The following BNC2 variants were observed in gnomAD, a reference collection of about 807,000 sequenced individuals.
The protein encoded by BNC2 is basonuclin zinc finger protein 2.
Under a neutral mutation model 76.3 loss-of-function variants are expected in BNC2, and 20 were observed. That is an observed-to-expected ratio of 0.26 (90% CI 0.18 to 0.38). The LOEUF is 0.38. Among genes scored for constraint, BNC2 ranks in the 10% least tolerant of loss-of-function variants. The probability of loss-of-function intolerance (pLI) is 1.00; values close to 1 mark genes in which losing one functional copy is unlikely to be tolerated. For missense variants in BNC2, 1,382 were observed against 1,399.8 expected, an observed-to-expected ratio of 0.99 and a Z score of 0.20; for synonymous variants, 582 against 514.8, an observed-to-expected ratio of 1.13 and a Z score of -1.77.
intron 6 of BNC2, chr9:16,421,211 G>A: frequency 8.2e-7 from 1 of 1,225,724 alleles, no homozygotes; most frequent in Non-Finnish European, 1.1e-6. Flanking sequence ...GGGTTTTAAG[G>A]GGCAGAGGGC....
intron 4 of BNC2, among the ~76,000 whole-genome samples, chr9:16,573,653 G>C (rs544634824): frequency 1.2e-4 from 18 of 152,282 alleles, no homozygotes; most frequent in South Asian, 4.1e-4. Flanking sequence ...GGCCCATGAG[G>C]TCAAAGTGGG....
intron 1 of BNC2, among the ~76,000 whole-genome samples, chr9:16,825,114 C>G (rs1818423564): frequency 6.6e-6 from 1 of 151,602 alleles, no homozygotes; most frequent in African/African-American, 2.4e-5. Flanking sequence ...TTACTTTATA[C>G]TAAAAATTCT....
intron 1 of BNC2, among the ~76,000 whole-genome samples, chr9:16,739,188 G>C (rs1436965027): frequency 6.6e-6 from 1 of 152,132 alleles, no homozygotes; most frequent in Non-Finnish European, 1.5e-5. Flanking sequence ...TATTATAAAA[G>C]TAAGGGCCCT....
At chr9:16,560,833 T>G (rs1214237206) in intron 4 of BNC2, among the ~76,000 whole-genome samples, 2 of 152,240 alleles carry the variant, frequency 1.3e-5, no homozygotes, top group Admixed American at 1.3e-4. Context: ...ATGGGAGACA[T>G]GACACCTATC....
At chr9:16,793,308 A>C (rs975762411) in intron 1 of BNC2, among the ~76,000 whole-genome samples, 1 of 152,202 alleles carries the variant, frequency 6.6e-6, no homozygotes, top group African/African-American at 2.4e-5. Context: ...ATCCAACTAT[A>C]AACAGCAGAA....
At chr9:16,661,988 T>G (rs1045305834) in intron 3 of BNC2, among the ~76,000 whole-genome samples, 1 of 152,208 alleles carries the variant, frequency 6.6e-6, no homozygotes, top group African/African-American at 2.4e-5. Flanking sequence ...ACAATTGTCT[T>G]TAAACCACTA....
At chr9:16,475,943 C>T (rs1480520030) in intron 5 of BNC2, 13 of 152,180 alleles carry the variant, frequency 8.5e-5, no homozygotes, top group Non-Finnish European at 1.5e-5. Flanking sequence ...CAAGCATACA[C>T]ATGCTCCTAA....
chr9:16,449,675 T>C (rs7046026), intron 5 of BNC2, among the ~76,000 whole-genome samples: 90,609 of 152,040 alleles, frequency 0.6, 29,409 homozygotes, highest in African/African-American at 0.86. Flanking sequence ...AAAAAGGCTT[T>C]GGCACAGAGC....
At chr9:16,740,657 C>G (rs1249171739) in intron 1 of BNC2, among the ~76,000 whole-genome samples, 1 of 152,058 alleles carries the variant, frequency 6.6e-6, no homozygotes, top group Non-Finnish European at 1.5e-5. Flanking sequence ...GTTAGAGGAG[C>G]TCAGACAGGT....
chr9:16,632,394 T>G (rs950919624), intron 3 of BNC2, among the ~76,000 whole-genome samples: 4 of 150,316 alleles, frequency 2.7e-5, no homozygotes, highest in Admixed American at 6.6e-5. Context: ...TTGTACATCT[T>G]CTGGAGTCTG....
intron 3 of BNC2, among the ~76,000 whole-genome samples, chr9:16,686,319 T>A (rs1411167453): frequency 6.6e-6 from 1 of 152,178 alleles, no homozygotes; most frequent in Non-Finnish European, 1.5e-5. Context: ...AGATCCCTTT[T>A]TAAAACTAAG....
chr9:16,759,116 C>A (rs539045747), intron 1 of BNC2, among the ~76,000 whole-genome samples: 2 of 152,082 alleles, frequency 1.3e-5, no homozygotes, highest in Admixed American at 6.6e-5. Flanking sequence ...CAAAAACCAA[C>A]GTACAGAAAT....
chr9:16,711,783 A>C (rs1823858952), intron 3 of BNC2, among the ~76,000 whole-genome samples: 1 of 152,246 alleles, frequency 6.6e-6, no homozygotes, highest in Non-Finnish European at 1.5e-5. Flanking sequence ...GAATACATGC[A>C]TGAAAGGAAG....
At chr9:16,849,225 T>TC (rs1184740741) in intron 1 of BNC2, among the ~76,000 whole-genome samples, 1 of 151,758 alleles carries the variant, frequency 6.6e-6, no homozygotes, top group Non-Finnish European at 1.5e-5. Flanking sequence ...GAACTCTCAT[T>TC]CCCCCCACCA....
At chr9:16,762,328 T>A (rs1440812235) in intron 1 of BNC2, among the ~76,000 whole-genome samples, 2 of 152,180 alleles carry the variant, frequency 1.3e-5, no homozygotes, top group Non-Finnish European at 2.9e-5. Flanking sequence ...CTTTGAACAC[T>A]ATCCAAAGAC....
chr9:16,720,255 C>T (rs775385124), intron 3 of BNC2, among the ~76,000 whole-genome samples: 8 of 152,130 alleles, frequency 5.3e-5, no homozygotes, highest in African/African-American at 1.2e-4. Context: ...ATTACTGCTA[C>T]GTTTCAGGTG....
intron 3 of BNC2, among the ~76,000 whole-genome samples, chr9:16,621,215 A>G (rs1820859252): frequency 6.6e-6 from 1 of 152,110 alleles, no homozygotes; most frequent in Non-Finnish European, 1.5e-5. Context: ...GACTTTGCCA[A>G]TTTCTTTTGT....
intron 5 of BNC2, among the ~76,000 whole-genome samples, chr9:16,481,278 G>T (rs945750138): frequency 1.3e-5 from 2 of 152,182 alleles, no homozygotes; most frequent in Non-Finnish European, 2.9e-5. Context: ...CCACATAAGA[G>T]AATAAAAGCA....
At chr9:16,807,659 T>C (rs1201117364) in intron 1 of BNC2, among the ~76,000 whole-genome samples, 8 of 152,188 alleles carry the variant, frequency 5.3e-5, no homozygotes, top group African/African-American at 1.4e-4. Flanking sequence ...AGACACTTAA[T>C]TCCTGCTTAC....
Sources: gnomAD v4.1 joint callset for allele counts (sites outside exome capture counted in the v4.1 genomes callset) on GRCh38, gnomAD v4.1.1 for gene constraint, MANE v1.5 for transcripts, NCBI Gene and HGNC (gene_info 2026-07-23, HGNC 2026-07-21) for gene names.